The following EYS variants were observed in gnomAD, a reference collection of about 807,000 sequenced individuals.
The protein encoded by EYS is protein eyes shut homolog.
A neutral mutation model predicts 282.1 loss-of-function variants in EYS; 250 were observed. The observed-to-expected ratio is 0.89, with a 90% CI of 0.80 to 0.98. The LOEUF is 0.98. EYS is among the 50% of genes least tolerant of loss of function. The pLI is 0.00. For synonymous variants in EYS, 1,355 were observed against 1,282.9 expected (o/e 1.06, Z -1.20); for missense variants, 4,016 against 3,709.0 (o/e 1.08, Z -2.15).
Position 65,097,433 on chromosome 6 carries a change from T to C in EYS, c.2024-39706A>G, listed in dbSNP as rs559686341. Among the ~76,000 whole-genome samples, 268 of 151,064 alleles carry C rather than the reference T, an allele frequency of 1.8e-3. 3 individuals are homozygous for C. Among genetic ancestry groups the C allele is most frequent in the African/African-American group, 6.2e-3 (258 of 41,462 alleles). ...TGTGTAGTCACTATGGAAAACAGTA[T>C]GCAAAATTCCTCTCAAAATGGTAAA... On this transcript the variant is annotated intron_variant, in intron 12 of 42. Coordinates refer to ENST00000503581, the MANE Select transcript of EYS (RefSeq NM_001142800.2).
At chr6:64,025,136 TCAGC>T (rs1476879539) in intron 33 of EYS, among the ~76,000 whole-genome samples, 2 of 152,114 alleles carry the variant, frequency 1.3e-5, no homozygotes, top group Admixed American at 6.5e-5. Flanking sequence ...CGGGCACCTG[TCAGC>T]CAGTTAAAAG....
At chr6:65,444,138 A>G (rs986510057) in intron 5 of EYS, among the ~76,000 whole-genome samples, 4 of 152,068 alleles carry the variant, frequency 2.6e-5, no homozygotes, top group Non-Finnish European at 5.9e-5. Flanking sequence ...GAAACAGAGT[A>G]GTCAATTTCC....
chr6:64,695,880 A>G (rs1770561795), intron 22 of EYS, among the ~76,000 whole-genome samples: 1 of 152,186 alleles, frequency 6.6e-6, no homozygotes, highest in Non-Finnish European at 1.5e-5. Flanking sequence ...ATGAAAAGTA[A>G]ATACAAAAGT....
At chr6:65,125,603 T>A (rs531710640) in intron 12 of EYS, among the ~76,000 whole-genome samples, 1 of 152,286 alleles carries the variant, frequency 6.6e-6, no homozygotes, top group South Asian at 2.1e-4. Context: ...TAATAAAGAA[T>A]CCGACCAAAA....
intron 15 of EYS, among the ~76,000 whole-genome samples, chr6:64,939,538 C>A (rs188989019): frequency 2.0e-5 from 3 of 151,846 alleles, no homozygotes; most frequent in East Asian, 3.9e-4. Context: ...ATATCAAATG[C>A]GATACTTTTA....
Position 63,984,385 on chromosome 6 carries a change from G to T in EYS, c.7053C>A (p.Ile2351=), listed in dbSNP as rs377036936. 1.6e-5 allele frequency: 25 copies of T among 1,545,274 alleles called. No individual in the cohort carries two copies. Among genetic ancestry groups the T allele is most frequent in the Admixed American group, 9.8e-5 (5 of 50,864 alleles). Reference sequence around the variant, plus strand: ...GGAATCAGGAGACTAATACTGACCTGATGCAGGTGCCATTGTTGCGGCACA... The same window carrying T: ...GGAATCAGGAGACTAATACTGACCTTATGCAGGTGCCATTGTTGCGGCACA... ...HHLCRNNGTC[I]SDNENLFCEC... Residue 2351 remains isoleucine, a splice_region_variant and synonymous_variant, in exon 35 of 43, where the codon ATC becomes ATA. Coordinates refer to ENST00000503581, the MANE Select transcript of EYS (RefSeq NM_001142800.2).
intron 12 of EYS, among the ~76,000 whole-genome samples, chr6:65,154,808 C>T (rs1311540456): frequency 3.3e-5 from 5 of 151,356 alleles, no homozygotes; most frequent in African/African-American, 1.2e-4. Flanking sequence ...TGTAATTATA[C>T]TGATAGGAAG....
At chr6:64,349,072 A>T (rs1211001550) in intron 29 of EYS, among the ~76,000 whole-genome samples, 1 of 151,438 alleles carries the variant, frequency 6.6e-6, no homozygotes, top group Non-Finnish European at 1.5e-5. Context: ...TTATATAAAA[A>T]TGACATTAAA....
chr6:64,398,459 CTGT>C (rs1199004723), intron 28 of EYS, among the ~76,000 whole-genome samples: 1 of 151,794 alleles, frequency 6.6e-6, no homozygotes, highest in Non-Finnish European at 1.5e-5. Context: ...ACTGGAAAGT[CTGT>C]TGTTTGGTGA....
At chr6:64,998,096 A>C (rs2150126133) in intron 13 of EYS, among the ~76,000 whole-genome samples, 1 of 152,332 alleles carries the variant, frequency 6.6e-6, no homozygotes, top group South Asian at 2.1e-4. Context: ...ACAAGACCTT[A>C]ACTGTTCAGT....
intron 31 of EYS, among the ~76,000 whole-genome samples, chr6:64,138,750 A>T (rs1562220532): frequency 6.6e-6 from 1 of 152,210 alleles, no homozygotes. Flanking sequence ...CAAGTGGAAA[A>T]TTCACATATA....
At chr6:64,166,823 G>A (rs1764303998) in intron 31 of EYS, among the ~76,000 whole-genome samples, 1 of 152,166 alleles carries the variant, frequency 6.6e-6, no homozygotes, top group Non-Finnish European at 1.5e-5. Flanking sequence ...TGTAAAAGTA[G>A]CTTGCTAATG....
At chr6:63,855,204 G>A (rs550258988) in intron 36 of EYS, among the ~76,000 whole-genome samples, 1 of 152,224 alleles carries the variant, frequency 6.6e-6, no homozygotes, top group South Asian at 2.1e-4. Flanking sequence ...TCCAGATCTG[G>A]GTCTGCCACT....
At chr6:63,994,357 G>A (rs1388424747) in intron 34 of EYS, among the ~76,000 whole-genome samples, 1 of 151,914 alleles carries the variant, frequency 6.6e-6, no homozygotes, top group Non-Finnish European at 1.5e-5. Context: ...TCTAATGGGA[G>A]TAGGAAATAG....
At chr6:64,880,336 T>C (rs16895936) in intron 19 of EYS, among the ~76,000 whole-genome samples, 4,443 of 152,052 alleles carry the variant, frequency 0.029, 124 homozygotes, top group East Asian at 0.16. Context: ...TAATTGTATA[T>C]ACATGCTATG....
intron 30 of EYS, among the ~76,000 whole-genome samples, chr6:64,259,228 A>G (rs1055885822): frequency 2.0e-5 from 3 of 152,064 alleles, no homozygotes; most frequent in Non-Finnish European, 4.4e-5. Flanking sequence ...CAGTTACCCC[A>G]CTGGCTACTC....
intron 35 of EYS, among the ~76,000 whole-genome samples, chr6:63,972,120 ATACTT>A (rs1223838988): frequency 1.3e-5 from 2 of 152,338 alleles, no homozygotes; most frequent in African/African-American, 4.8e-5. Flanking sequence ...TCCTGGAAAA[ATACTT>A]TATTTTTCTC....
intron 9 of EYS, among the ~76,000 whole-genome samples, chr6:65,353,073 T>C (rs1005039058): frequency 6.6e-6 from 1 of 151,986 alleles, no homozygotes; most frequent in Non-Finnish European, 1.5e-5. Flanking sequence ...TTTTTCTTTT[T>C]TTCTAAATAG....
chr6:65,030,635 T>C (rs774579347), intron 13 of EYS, among the ~76,000 whole-genome samples: 3 of 152,166 alleles, frequency 2.0e-5, no homozygotes, highest in Non-Finnish European at 4.4e-5. Flanking sequence ...TTGTTGCCAG[T>C]GGACAGGGCA....
Sources: allele counts gnomAD v4.1 joint callset (sites outside exome capture counted in the v4.1 genomes callset), GRCh38; gene constraint gnomAD v4.1.1; transcripts MANE v1.5; gene names NCBI Gene and HGNC (gene_info 2026-07-23, HGNC 2026-07-21).